HEATR5B: variants seen among roughly 807,000 people sequenced by gnomAD.
HEATR5B encodes the protein HEAT repeat-containing protein 5B.
A neutral mutation model predicts 224.1 loss-of-function variants in HEATR5B; 156 were observed. The ratio of observed to expected loss-of-function variants is 0.70; its 90% CI spans 0.61 to 0.80. The LOEUF (loss-of-function observed/expected upper bound fraction) is 0.80. Among genes scored for constraint, HEATR5B ranks in the 30% least tolerant of loss-of-function variants. The probability of loss-of-function intolerance (pLI) is 0.00; values close to 1 mark genes in which losing one functional copy is unlikely to be tolerated. For missense variants in HEATR5B, 2,323 were observed against 2,535.5 expected, an observed-to-expected ratio of 0.92 and a Z score of 1.80; for synonymous variants, 1,027 against 893.0, an observed-to-expected ratio of 1.15 and a Z score of -2.68.
intron 17 of HEATR5B, among the ~76,000 whole-genome samples, chr2:37,051,708 T>G (rs899397079): frequency 6.6e-6 from 1 of 152,170 alleles, no homozygotes; most frequent in South Asian, 2.1e-4. Context: ...CTAATGGTTA[T>G]ATAAATGGTC....
intron 27 of HEATR5B, among the ~76,000 whole-genome samples, chr2:37,010,137 T>C (rs552818762): frequency 1.3e-5 from 2 of 152,298 alleles, no homozygotes; most frequent in African/African-American, 4.8e-5. Context: ...GTAATACATT[T>C]AGGCTTTGGC....
intron 35 of HEATR5B, 151 bp downstream of exon 35, chr2:36,988,495 C>T (rs9636389): frequency 0.11 from 67,490 of 602,442 alleles, 7,573 homozygotes; most frequent in East Asian, 0.53. Context: ...CTCCTGACCT[C>T]GTGATCCACC....
intron 24 of HEATR5B, among the ~76,000 whole-genome samples, chr2:37,027,693 A>T (rs1668866300): frequency 6.6e-6 from 1 of 152,250 alleles, no homozygotes. Context: ...AGACACACAG[A>T]TCAATCTATC....
intron 33 of HEATR5B, among the ~76,000 whole-genome samples, chr2:36,991,658 C>A (rs915490075): frequency 1.3e-5 from 2 of 152,000 alleles, no homozygotes; most frequent in Non-Finnish European, 2.9e-5. Context: ...TTCTAAAGAA[C>A]AATATTTCTG....
At chr2:37,033,699 TG>T (rs1669287459) in intron 21 of HEATR5B, among the ~76,000 whole-genome samples, 1 of 152,198 alleles carries the variant, frequency 6.6e-6, no homozygotes, top group South Asian at 2.1e-4. Flanking sequence ...GCTGCCAGAC[TG>T]GGTTTGAATC....
intron 26 of HEATR5B, among the ~76,000 whole-genome samples, chr2:37,015,366 G>A (rs1051187070): frequency 1.6e-4 from 24 of 152,096 alleles, no homozygotes; most frequent in African/African-American, 5.1e-4. Flanking sequence ...TTCTGTATAA[G>A]AAAAAATGTA....
rs570993396 is a variant in HEATR5B at position 36,998,654 on chromosome 2, G to T, written c.5545+1932C>A. Among the ~76,000 whole-genome samples the T allele has an allele frequency of 6.6e-5, 10 of 152,214 alleles. No homozygotes were observed. In the East Asian group the frequency reaches 1.9e-3, roughly 29 times the overall value. The stretch of plus-strand genomic sequence containing the variant: ...ACAAAAATATCATTGACAGGGAAAT[G>T]AATAATAATTGATAAAAACATATGA... On this transcript the variant is annotated intron_variant, in intron 33 of 35. Transcript: ENST00000233099.
chr2:37,061,929 A>G lies in HEATR5B; in HGVS notation c.1696+10T>C, dbSNP rs1174246077. The stretch of plus-strand genomic sequence containing the variant: ...AGCGTGACAAAAATCCTACTCAAAT[A>G]TAATTATACCTAAAGTCATAAGTGC... On this transcript the variant is annotated intron_variant, in intron 11 of 35. Transcript: ENST00000233099. 3.9e-6 allele frequency: 6 copies of G among 1,555,204 alleles called. No individual in the cohort carries two copies. Among genetic ancestry groups the G allele is most frequent in the East Asian group, 2.2e-5 (1 of 44,592 alleles).
intron 24 of HEATR5B, among the ~76,000 whole-genome samples, chr2:37,025,750 C>G (rs553731912): frequency 1.3e-5 from 2 of 152,110 alleles, no homozygotes; most frequent in South Asian, 4.1e-4. Flanking sequence ...GTTAAGAAAT[C>G]CAAAGAAAGA....
chr2:37,020,535 A>T, intron 25 of HEATR5B, 120 bp downstream of exon 25: 1 of 595,396 alleles, frequency 1.7e-6, no homozygotes. Context: ...AGATAAAGAG[A>T]TGCATTCTAC....
rs1260184486 is a variant in HEATR5B at position 37,015,415 on chromosome 2, A to G, written c.4105-1395T>C. Among the ~76,000 whole-genome samples the G allele has an allele frequency of 2.0e-5, 3 of 152,234 alleles. No individual in the cohort carries two copies. The East Asian group carries it at 5.8e-4, about 29-fold the overall frequency. The stretch of plus-strand genomic sequence containing the variant: ...TAATATGTTAAGTGTCTTTTATAAT[A>G]CCATAGAACAGAGATGATACGGATC... On this transcript the variant is annotated intron_variant, in intron 26 of 35. Transcript: ENST00000233099.
Position 37,058,705 on chromosome 2 carries a change from C to A in HEATR5B, c.1950-145G>T, listed in dbSNP as rs1054353840. ...GCTTATGTTGTGATCTTTGCTGTAA[C>A]AAAAACACTTTAAGATACAACTGTA... On this transcript the variant is annotated intron_variant, in intron 13 of 35. Coordinates refer to ENST00000233099, the MANE Select transcript of HEATR5B (RefSeq NM_019024.3). 10 of 695,480 alleles carry A rather than the reference C, an allele frequency of 1.4e-5. No homozygotes were observed. In the East Asian group the frequency reaches 2.7e-4, roughly 19 times the overall value. The allele number at this position is 695,480 out of a possible 1,614,324, so 43.1% of individuals were successfully genotyped here.
chr2:37,009,040 A>G (rs138517806), intron 27 of HEATR5B, among the ~76,000 whole-genome samples, 192 bp from the exon 28 acceptor site: 22 of 151,992 alleles, frequency 1.4e-4, no homozygotes, highest in East Asian at 7.7e-4. Flanking sequence ...CGGGTAGATC[A>G]TGAGGTCAAG....
chr2:37,016,508 A>C (rs1668128068), intron 26 of HEATR5B, among the ~76,000 whole-genome samples: 1 of 152,198 alleles, frequency 6.6e-6, no homozygotes, highest in Admixed American at 6.6e-5. Context: ...GAACCTCATT[A>C]AAGTATACAC....
Position 37,079,419 on chromosome 2 carries a change from G to C in HEATR5B, c.127-88C>G, listed in dbSNP as rs953159908. 7.9e-6 allele frequency: 5 copies of C among 633,816 alleles called. No individual in the cohort carries two copies. In the African/African-American group the frequency reaches 9.2e-5, roughly 12 times the overall value. 39.3% of individuals were successfully genotyped at this position (633,816 alleles called of 1,614,324 possible). Reference sequence around the variant, plus strand: ...AAATAAAAAACACTTAACACTTAAGGCACTCTAATAATTAAAAATCTATAT... The same window carrying C: ...AAATAAAAAACACTTAACACTTAAGCCACTCTAATAATTAAAAATCTATAT... On this transcript the variant is annotated intron_variant, in intron 2 of 35. Coordinates refer to ENST00000233099, the MANE Select transcript of HEATR5B (RefSeq NM_019024.3).
rs1473549748 is a variant in HEATR5B at position 37,005,666 on chromosome 2, G to C, written c.4871C>G (p.Ser1624Cys). ...CLQALHTLLD[S>C]PYARVHIAED... ...TGCAATATGGACTCGAGCATAAGGG[G>C]AGTCTAGCAAGGTATGTAAGGCCTG... The change falls in exon 30 of 36, where the codon TCC becomes TGC. Residue 1624 changes from serine to cysteine, a missense_variant. Physicochemically the swap from Ser to Cys is moderately radical, Grantham distance 112 (BLOSUM62 -1). This residue lies in a region of HEATR5B where 844 missense variants were observed against 812.9 expected (regional missense o/e 1.04). Coordinates refer to ENST00000233099, the MANE Select transcript of HEATR5B (RefSeq NM_019024.3). 1.2e-6 allele frequency: 2 copies of C among 1,613,420 alleles called. No homozygotes were observed. Among genetic ancestry groups the C allele is most frequent in the East Asian group, 2.2e-5 (1 of 44,872 alleles).
rs1291129554 is a variant in HEATR5B, at chr2:37,076,466, TAAG to T, written c.447+442_447+444del. Among the ~76,000 whole-genome samples, 8 of 152,036 alleles carry T rather than the reference TAAG, an allele frequency of 5.3e-5. No homozygotes were observed. The South Asian group carries it at 6.2e-4, about 12-fold the overall frequency. On this transcript the variant is annotated intron_variant, in intron 4 of 35. Transcript: ENST00000233099. ...AAGATTTCCAGCAACCACTAGAAGG[TAAG>T]AAGGAAAGGAAACATTCTTCCCTAG...
chr2:37,059,404 ATATGTGTG>A lies in HEATR5B; in HGVS notation c.1850-425_1850-418del, dbSNP rs1264933117. Among the ~76,000 whole-genome samples the A allele has an allele frequency of 2.6e-4, 28 of 106,976 alleles. No individual in the cohort carries two copies. The East Asian group carries it at 5.3e-3, about 20-fold the overall frequency. 70.2% of individuals were successfully genotyped at this position (106,976 alleles called of 152,430 possible). Reference sequence around the variant, plus strand: ...TTGCAACTTTTACAGATATATATGTATATGTGTGTGTGTGTGTGTGTGTGTGTGTGTGT... The same window carrying A: ...TTGCAACTTTTACAGATATATATGTATGTGTGTGTGTGTGTGTGTGTGTGT... On this transcript the variant is annotated intron_variant, in intron 12 of 35. Transcript: ENST00000233099.
At chr2:36,985,726 A>G (rs898136591) in intron 35 of HEATR5B, among the ~76,000 whole-genome samples, 2 of 150,764 alleles carry the variant, frequency 1.3e-5, no homozygotes, top group African/African-American at 4.9e-5. Flanking sequence ...TGGTCTCCCA[A>G]AGTGTTGGCA....
Sources: allele counts gnomAD v4.1 joint callset (sites outside exome capture counted in the v4.1 genomes callset), GRCh38; gene constraint gnomAD v4.1.1; regional missense constraint gnomAD v4.1.1; transcripts MANE v1.5; gene names NCBI Gene and HGNC (gene_info 2026-07-23, HGNC 2026-07-21).